The following CTDSPL variants were observed in gnomAD, a reference collection of about 807,000 sequenced individuals.
CTDSPL encodes the protein CTD small phosphatase-like protein.
CTDSPL carries 8 observed loss-of-function variants against 30.5 expected under a neutral mutation model. The observed-to-expected ratio is 0.26, with a 90% CI of 0.15 to 0.47. CTDSPL has a LOEUF of 0.47. CTDSPL is among the 20% of genes least tolerant of loss of function. The probability of loss-of-function intolerance (pLI) is 0.99; values close to 1 mark genes in which losing one functional copy is unlikely to be tolerated. For synonymous variants in CTDSPL, 110 were observed against 137.9 expected, an observed-to-expected ratio of 0.80 and a Z score of 1.42; for missense variants, 248 against 366.1, an observed-to-expected ratio of 0.68 and a Z score of 2.63.
At chr3:37,899,602 C>T (rs1012405013) in intron 1 of CTDSPL, among the ~76,000 whole-genome samples, 3 of 152,142 alleles carry the variant, frequency 2.0e-5, no homozygotes, top group Non-Finnish European at 4.4e-5. Context: ...CTTAGAAAGT[C>T]AGAAGACACG....
chr3:37,940,028 G>GT (rs1383321368), intron 1 of CTDSPL, among the ~76,000 whole-genome samples: 1 of 149,862 alleles, frequency 6.7e-6, no homozygotes, highest in African/African-American at 2.4e-5. Context: ...GGAGGCAGAG[G>GT]TTGCAGTGTG....
intron 1 of CTDSPL, among the ~76,000 whole-genome samples, chr3:37,935,286 G>A (rs1465919619): frequency 2.0e-5 from 3 of 151,872 alleles, no homozygotes; most frequent in East Asian, 1.9e-4. Flanking sequence ...CACCACCATC[G>A]TCTATATGTT....
chr3:37,863,244 A>G (rs1697966812), intron 1 of CTDSPL, among the ~76,000 whole-genome samples: 1 of 152,216 alleles, frequency 6.6e-6, no homozygotes, highest in Admixed American at 6.5e-5. Flanking sequence ...TTATAGTGCC[A>G]GGAGTGTCCC....
chr3:37,874,331 G>T (rs966972832), intron 1 of CTDSPL, among the ~76,000 whole-genome samples: 1 of 152,172 alleles, frequency 6.6e-6, no homozygotes, highest in Non-Finnish European at 1.5e-5. Flanking sequence ...TGTTGAGGGT[G>T]TGGATTGAGG....
intron 1 of CTDSPL, among the ~76,000 whole-genome samples, chr3:37,928,287 T>C (rs1355625285): frequency 6.6e-6 from 1 of 152,238 alleles, no homozygotes; most frequent in Admixed American, 6.5e-5. Context: ...TACTTTTAAC[T>C]TTTTGCAGAA....
chr3:37,964,684 T>TAAA lies in CTDSPL; in HGVS notation c.369+20_369+22dup. 1 of 1,467,760 alleles carries TAAA rather than the reference T, an allele frequency of 6.8e-7. No individual in the cohort carries two copies. The highest frequency in any genetic ancestry group is 9.3e-7 in the Non-Finnish European group (1 of 1,076,696). The allele number at this position is 1,467,760 out of a possible 1,614,324, so 90.9% of individuals were successfully genotyped here. On this transcript the variant is annotated intron_variant, in intron 4 of 7. Coordinates refer to ENST00000273179, the MANE Select transcript of CTDSPL (RefSeq NM_001008392.2). ...ACAGTTCGTTTAAGGTAAATCAACA[T>TAAA]AAAAAAAAAATCCATGATCTTTGTG...
intron 4 of CTDSPL, 96 bp from the exon 5 acceptor site, chr3:37,967,730 C>T (rs572714118): frequency 3.7e-5 from 31 of 837,752 alleles, no homozygotes; most frequent in Admixed American, 9.0e-5. Flanking sequence ...TTTCCAATAA[C>T]CAAAACATTG....
At chr3:37,970,722 A>G (rs1215017839) in intron 5 of CTDSPL, among the ~76,000 whole-genome samples, 1 of 152,172 alleles carries the variant, frequency 6.6e-6, no homozygotes, top group Non-Finnish European at 1.5e-5. Context: ...CCATTCTAGA[A>G]AAGGCTACTC....
chr3:37,867,310 A>G (rs544011555), intron 1 of CTDSPL, among the ~76,000 whole-genome samples: 18 of 152,222 alleles, frequency 1.2e-4, no homozygotes, highest in Non-Finnish European at 2.1e-4. Flanking sequence ...AAATTGCTCA[A>G]TTGTATTCCA....
intron 6 of CTDSPL, among the ~76,000 whole-genome samples, chr3:37,972,947 G>A (rs1048308442): frequency 6.6e-6 from 1 of 152,212 alleles, no homozygotes; most frequent in Non-Finnish European, 1.5e-5. Flanking sequence ...CTTCTGGACG[G>A]TGCCCTGATG....
chr3:37,974,774 G>T (rs1005031683), intron 6 of CTDSPL, among the ~76,000 whole-genome samples: 1 of 152,212 alleles, frequency 6.6e-6, no homozygotes, highest in East Asian at 1.9e-4. Context: ...GGACGGCTGG[G>T]CACCATCCTG....
intron 1 of CTDSPL, among the ~76,000 whole-genome samples, chr3:37,905,006 G>A (rs1004812003): frequency 2.0e-5 from 3 of 152,162 alleles, no homozygotes; most frequent in African/African-American, 7.2e-5. Flanking sequence ...ACCTTCCTTT[G>A]TGATTTGACC....
chr3:37,928,600 G>A (rs550136188), intron 1 of CTDSPL, among the ~76,000 whole-genome samples: 43 of 152,066 alleles, frequency 2.8e-4, no homozygotes, highest in Non-Finnish European at 5.4e-4. Flanking sequence ...GCAAATGACC[G>A]TTTTTTAATC....
At chr3:37,978,102 T>C (rs190387424) in intron 7 of CTDSPL, among the ~76,000 whole-genome samples, 12 of 152,322 alleles carry the variant, frequency 7.9e-5, no homozygotes, top group African/African-American at 2.9e-4. Flanking sequence ...TGGTGATCAT[T>C]GTCTACACCC....
chr3:37,899,403 C>G, intron 1 of CTDSPL, among the ~76,000 whole-genome samples: 1 of 152,204 alleles, frequency 6.6e-6, no homozygotes, highest in East Asian at 1.9e-4. Flanking sequence ...TAGCACATAA[C>G]CACTCTTACC....
At chr3:37,868,488 G>A (rs557540540) in intron 1 of CTDSPL, among the ~76,000 whole-genome samples, 2 of 151,886 alleles carry the variant, frequency 1.3e-5, no homozygotes, top group East Asian at 1.9e-4. Flanking sequence ...TCTCTGCCTA[G>A]CACTAGATCC....
chr3:37,960,527 T>TACAC (rs1331368484), intron 3 of CTDSPL, among the ~76,000 whole-genome samples: 10 of 63,640 alleles, frequency 1.6e-4, no homozygotes, highest in Non-Finnish European at 2.6e-4. Context: ...TATATATATA[T>TACAC]ATATATATAC....
chr3:37,962,332 A>G (rs567751704), intron 3 of CTDSPL, among the ~76,000 whole-genome samples: 83 of 152,338 alleles, frequency 5.4e-4, no homozygotes, highest in Middle Eastern at 6.8e-3. Flanking sequence ...TGCATTTAGG[A>G]AACAGCAGAG....
At chr3:37,891,202 G>A (rs994838288) in intron 1 of CTDSPL, among the ~76,000 whole-genome samples, 45 of 152,162 alleles carry the variant, frequency 3.0e-4, no homozygotes, top group Admixed American at 2.9e-3. Context: ...TACCCAGGGA[G>A]TGACCTTTCC....
Sources: gnomAD v4.1 joint callset for allele counts (sites outside exome capture counted in the v4.1 genomes callset) on GRCh38, gnomAD v4.1.1 for gene constraint, MANE v1.5 for transcripts, NCBI Gene and HGNC (gene_info 2026-07-23, HGNC 2026-07-21) for gene names.